Variants in CELSR1 observed in about 807,000 individuals in gnomAD.
CELSR1 encodes cadherin EGF LAG seven-pass G-type receptor 1.
Under a neutral mutation model 249.1 loss-of-function variants are expected in CELSR1, and 110 were observed. That is an observed-to-expected ratio of 0.44 (90% CI 0.38 to 0.52). The LOEUF (loss-of-function observed/expected upper bound fraction) is 0.52. CELSR1 is among the 20% of genes least tolerant of loss of function. CELSR1 has a pLI of 0.00. For missense variants in CELSR1, 4,109 were observed against 4,296.4 expected, an observed-to-expected ratio of 0.96 and a Z score of 1.22; for synonymous variants, 2,113 against 1,900.0, an observed-to-expected ratio of 1.11 and a Z score of -2.92.
chr22:46,462,045 G>A (rs1396185688), intron 2 of CELSR1, among the ~76,000 whole-genome samples: 6 of 152,238 alleles, frequency 3.9e-5, no homozygotes, highest in Non-Finnish European at 8.8e-5. Context: ...ACCTGGAGTC[G>A]TCCCCACCCC....
rs894011718 is a variant in CELSR1, at chr22:46,433,788, G to C, written c.4523-307C>G. On this transcript the variant is annotated intron_variant, in intron 4 of 34. Transcript: ENST00000674500. This position sits in a 1 kb window ranked among gnomAD's most constrained non-coding sequence, Gnocchi z 5.7. Reference sequence around the variant, plus strand: ...CCACCTCCGCCTCCTGGGTTCAAGAGATTCTCCTGCCTCAGCCTCCTGAGT... The same window carrying C: ...CCACCTCCGCCTCCTGGGTTCAAGACATTCTCCTGCCTCAGCCTCCTGAGT... 6.6e-6 allele frequency among the ~76,000 whole-genome samples: 1 copy of C among 152,150 alleles called. No homozygotes were observed. Among genetic ancestry groups the C allele is most frequent in the African/African-American group, 2.4e-5 (1 of 41,422 alleles).
chr22:46,419,982 TAC>T (rs1402013503), intron 5 of CELSR1, among the ~76,000 whole-genome samples: 1 of 148,456 alleles, frequency 6.7e-6, no homozygotes, highest in Admixed American at 6.7e-5. Context: ...CACCCTTATG[TAC>T]ACTCACCCAC....
intron 2 of CELSR1, among the ~76,000 whole-genome samples, chr22:46,462,513 T>C (rs768671171): frequency 1.9e-4 from 29 of 152,200 alleles, no homozygotes; most frequent in Non-Finnish European, 8.8e-5. Context: ...ACTTGTGCTA[T>C]GTGCTGGTAA....
At chr22:46,371,988 C>T (rs1263576483) in intron 25 of CELSR1, among the ~76,000 whole-genome samples, 6 of 150,322 alleles carry the variant, frequency 4.0e-5, no homozygotes, top group Non-Finnish European at 8.9e-5. Flanking sequence ...CTCCTCCATC[C>T]ATCCAGCTAC....
At chr22:46,524,113 C>T (rs568842946) in intron 1 of CELSR1, among the ~76,000 whole-genome samples, 54 of 152,352 alleles carry the variant, frequency 3.5e-4, no homozygotes, top group African/African-American at 1.3e-3. Flanking sequence ...GTCAGCACCA[C>T]GATTAGAGCA....
chr22:46,450,190 C>A (rs537369123), intron 2 of CELSR1, among the ~76,000 whole-genome samples: 1 of 152,362 alleles, frequency 6.6e-6, no homozygotes, highest in South Asian at 2.1e-4. Context: ...TTCCCGGGGA[C>A]TTCAGAACCC....
Position 46,536,469 on chromosome 22 carries a change from C to T in CELSR1, c.702G>A (p.Arg234=). Residue 234 remains arginine (R), a synonymous_variant, in exon 1 of 35, where the codon CGG becomes CGA. Coordinates refer to ENST00000674500, the MANE Select transcript of CELSR1 (RefSeq NM_001378328.1). ...GGCTCCCTCTGCCGCTCGTGCCCCG[C>T]CGGGCCCGTCGCGCCGGCCCCGCCC... ...EARAGPARRA[R]RGTSGRGSLK... 6.2e-7 allele frequency: 1 copy of T among 1,606,326 alleles called. No homozygotes were observed.
intron 1 of CELSR1, among the ~76,000 whole-genome samples, chr22:46,478,531 C>T (rs1454682550): frequency 6.6e-6 from 1 of 151,388 alleles, no homozygotes; most frequent in Admixed American, 6.6e-5. Context: ...GAGCTGTGGA[C>T]AATAAAGATG....
Position 46,501,199 on chromosome 22 carries a change from AT to A in CELSR1, c.3544+32427del, listed in dbSNP as rs57293109. On this transcript the variant is annotated intron_variant, in intron 1 of 34. Transcript: ENST00000674500. ...AGGCACCCGCCATCATGCCCGGCTA[AT>A]TTTTTTTTTTTTTTTTTTTTTTTTG... Among the ~76,000 whole-genome samples, 491 of 108,524 alleles carry A rather than the reference AT, an allele frequency of 4.5e-3. 1 individual carries two copies. Among genetic ancestry groups the A allele is most frequent in the African/African-American group, 0.018 (439 of 24,580 alleles). 71.2% of individuals were successfully genotyped at this position (108,524 alleles called of 152,430 possible). A position where few individuals can be genotyped will look rare whatever the true frequency, so the allele number is the denominator to read the frequency against.
chr22:46,489,158 G>C (rs1480004025), intron 1 of CELSR1, among the ~76,000 whole-genome samples: 1 of 151,966 alleles, frequency 6.6e-6, no homozygotes, highest in African/African-American at 2.4e-5. Context: ...CCGGCTTGGG[G>C]ATGGCGAAGT....
rs1270039733 is a variant in CELSR1, at chr22:46,396,701, C to T, written c.5747G>A (p.Cys1916Tyr). ...GCGCACGCAGGCCCCCATGTTCTCG[C>T]AGGGGTTCAGGTGACAGGCATCCAC... ...NCVDACHLNP[C>Y]ENMGACVRSP... The change falls in exon 13 of 35, where the codon TGC becomes TAC. Residue 1916 changes from cysteine (C) to tyrosine (Y), a missense_variant. By Grantham distance (194) the Cys-to-Tyr change is radical (BLOSUM62 -2). Transcript: ENST00000674500. The surrounding 1 kb of genome is among the most constrained non-coding windows in gnomAD (Gnocchi z 6.4). The T allele has an allele frequency of 6.2e-7, 1 of 1,612,914 alleles. No individual in the cohort carries two copies. The highest frequency in any genetic ancestry group is 1.1e-5 in the South Asian group (1 of 90,816).
intron 1 of CELSR1, among the ~76,000 whole-genome samples, chr22:46,496,627 A>ATT (rs55785020): frequency 6.6e-6 from 1 of 150,798 alleles, no homozygotes. Flanking sequence ...TTATCTATTA[A>ATT]TTTTTTTTTT....
rs1178957274 is a variant in CELSR1, at chr22:46,395,660, C to T, written c.5843+945G>A. The stretch of plus-strand genomic sequence containing the variant: ...GGGGTCACAGCCGGGATCACAGCAC[C>T]TGCTCTAGGCTCGGGAGGACAAAGA... On this transcript the variant is annotated intron_variant, in intron 13 of 34. Transcript: ENST00000674500. The surrounding 1 kb of genome is among the most constrained non-coding windows in gnomAD (Gnocchi z 5.5). Among the ~76,000 whole-genome samples the T allele has an allele frequency of 2.0e-5, 3 of 152,210 alleles. No individual in the cohort carries two copies. Among genetic ancestry groups the T allele is most frequent in the Non-Finnish European group, 2.9e-5 (2 of 68,038 alleles).
chr22:46,421,216 G>A (rs946862652), intron 5 of CELSR1, among the ~76,000 whole-genome samples: 33 of 152,070 alleles, frequency 2.2e-4, no homozygotes, highest in African/African-American at 7.2e-4. Context: ...TGGGGGGGTA[G>A]AGGCGGGAAA....
intron 5 of CELSR1, among the ~76,000 whole-genome samples, chr22:46,431,777 G>A (rs536344988): frequency 2.0e-5 from 3 of 152,312 alleles, no homozygotes; most frequent in South Asian, 2.1e-4. Context: ...GAAAAGACTC[G>A]GTCTTTGAAA....
intron 1 of CELSR1, among the ~76,000 whole-genome samples, chr22:46,511,339 C>T (rs992417364): frequency 3.9e-5 from 6 of 152,216 alleles, no homozygotes; most frequent in African/African-American, 7.2e-5. Flanking sequence ...CCAGTCTACA[C>T]AGCTGGCTGC....
rs148703407 is a variant in CELSR1, at chr22:46,436,960, T to G, written c.4407-671A>C. Among the ~76,000 whole-genome samples, 1 of 152,324 alleles carries G rather than the reference T, an allele frequency of 6.6e-6. No homozygotes were observed. Among genetic ancestry groups the G allele is most frequent in the East Asian group, 1.9e-4 (1 of 5,184 alleles). On this transcript the variant is annotated intron_variant, in intron 3 of 34. Transcript: ENST00000674500. The surrounding 1 kb of genome is among the most constrained non-coding windows in gnomAD (Gnocchi z 5.9). ...CAGTTAATTTCTGAAATCATGCTGC[T>G]GACTCATTGGTTTATAAGAATGTAT...
At position 46,377,143 on chromosome 22, in the gene CELSR1, T is replaced by C; in HGVS notation, c.7502A>G (p.His2501Arg). The C allele has an allele frequency of 3.1e-6, 5 of 1,613,572 alleles. No individual in the cohort carries two copies. Among genetic ancestry groups the C allele is most frequent in the Non-Finnish European group, 4.2e-6 (5 of 1,179,906 alleles). ...CACGGCGAGGTGCTTGTGAATGCTGTGCAGGTTGGAGCGCAGCATGCGGAC... is the reference window on the plus strand; with the variant it reads ...CACGGCGAGGTGCTTGTGAATGCTGCGCAGGTTGGAGCGCAGCATGCGGAC... ...SLVRMLRSNL[H>R]SIHKHLAVAL... is the part of the protein sequence containing the mutation. Residue 2501 changes from histidine (H) to arginine (R), a missense_variant, in exon 24 of 35, where the codon CAC becomes CGC. His to Arg is a conservative substitution (Grantham distance 29, BLOSUM62 0). Transcript: ENST00000674500.
chr22:46,465,584 C>A (rs1487785854), intron 1 of CELSR1, among the ~76,000 whole-genome samples: 1 of 152,202 alleles, frequency 6.6e-6, no homozygotes, highest in Non-Finnish European at 1.5e-5. Flanking sequence ...CAAGGCACAG[C>A]GGCACGCGGG....
Sources: allele counts gnomAD v4.1 joint callset (sites outside exome capture counted in the v4.1 genomes callset), GRCh38; gene constraint gnomAD v4.1.1; non-coding constraint Gnocchi (gnomAD v3.1); transcripts MANE v1.5; gene names NCBI Gene and HGNC (gene_info 2026-07-23, HGNC 2026-07-21).